The following FGFRL1 variants were observed in gnomAD, a reference collection of about 807,000 sequenced individuals.
FGFRL1 encodes fibroblast growth factor receptor like 1, also known as fibroblast growth factor receptor-like 1.
FGFRL1 carries 24 observed loss-of-function variants against 36.8 expected under a neutral mutation model. That is an observed-to-expected ratio of 0.65 (90% confidence interval 0.47 to 0.92). The LOEUF (loss-of-function observed/expected upper bound fraction) is 0.92. FGFRL1 is among the 40% of genes least tolerant of loss of function. FGFRL1 has a pLI of 0.00. For synonymous variants in FGFRL1, 422 were observed against 344.1 expected, an observed-to-expected ratio of 1.23 and a Z score of -2.50; for missense variants, 785 against 753.4, an observed-to-expected ratio of 1.04 and a Z score of -0.49.
chr4:1,023,972 G>T lies in FGFRL1; in HGVS notation c.589G>T (p.Ala197Ser), dbSNP rs768990087. 49 of 1,599,642 alleles carry T rather than the reference G, an allele frequency of 3.1e-5. No individual in the cohort carries two copies. Among genetic ancestry groups the T allele is most frequent in the South Asian group, 6.7e-5 (6 of 89,212 alleles). The change falls in exon 5 of 7, where the codon GCT (alanine) becomes TCT (serine). Residue 197 changes from alanine to serine, a missense_variant. By Grantham distance (99) the Ala-to-Ser change is moderately conservative. Transcript: ENST00000510644. The surrounding 1 kb of genome is among the most constrained non-coding windows in gnomAD (Gnocchi z 6.0). ...CCAGGCCTTGACGCGCCCAGAGGCC[G>T]CTGAGCCCAGGAAGAAGAAGTGGAC... ...DDQALTRPEA[A>S]EPRKKKWTLS...
At chr4:1,021,778 T>TG (rs761801904) in intron 2 of FGFRL1, among the ~76,000 whole-genome samples, 1 of 152,110 alleles carries the variant, frequency 6.6e-6, no homozygotes, top group Non-Finnish European at 1.5e-5. Flanking sequence ...CCCTTGTCCT[T>TG]GGGGGGCCAC....
intron 2 of FGFRL1, among the ~76,000 whole-genome samples, chr4:1,014,548 G>A (rs1253255903): frequency 2.0e-5 from 3 of 152,238 alleles, no homozygotes; most frequent in Non-Finnish European, 4.4e-5. Context: ...CAGGTGGGCA[G>A]GGTGCCTGTC....
intron 2 of FGFRL1, among the ~76,000 whole-genome samples, chr4:1,013,447 C>T (rs79574529): frequency 0.12 from 17,801 of 152,312 alleles, 1,216 homozygotes; most frequent in South Asian, 0.21. Context: ...CCAGCAAGCG[C>T]GCCGCATCCA....
At chr4:1,011,583 G>A (rs1182983880), upstream of FGFRL1, among the ~76,000 whole-genome samples, 1 of 33,016 alleles carries the variant, frequency 3.0e-5, no homozygotes, top group Non-Finnish European at 5.8e-5. Flanking sequence ...CGGAAGTTGT[G>A]CCGGGGGCGG....
At position 1,025,248 on chromosome 4, in the gene FGFRL1, C is replaced by A; in HGVS notation, c.1416C>A (p.Pro472=). ...CAGTTGCTGGCCCTAAGTTGTACCC[C>A]AAACTCTACACAGACATCCACACAC... ...PGPVAGPKLY[P]KLYTDIHTHT... Residue 472 remains proline, a synonymous_variant, in exon 7 of 7, where the codon CCC becomes CCA. Coordinates refer to ENST00000510644, the MANE Select transcript of FGFRL1 (RefSeq NM_001004356.3). 1 of 1,607,638 alleles carries A rather than the reference C, an allele frequency of 6.2e-7. No individual in the cohort carries two copies. The highest frequency in any genetic ancestry group is 8.5e-7 in the Non-Finnish European group (1 of 1,177,532).
chr4:1,015,246 C>T (rs536124281), intron 2 of FGFRL1, among the ~76,000 whole-genome samples: 1 of 152,318 alleles, frequency 6.6e-6, no homozygotes, highest in African/African-American at 2.4e-5. Context: ...CCTGGTGTGT[C>T]CAGGTGACAG....
intron 3 of FGFRL1, among the ~76,000 whole-genome samples, chr4:1,022,857 C>G (rs73070422): frequency 0.12 from 18,785 of 152,004 alleles, 1,266 homozygotes; most frequent in Middle Eastern, 0.21. Flanking sequence ...CGTGGCCTTT[C>G]TGTTCTCTTC....
chr4:1,017,295 C>G (rs1479302278), intron 2 of FGFRL1, among the ~76,000 whole-genome samples: 1 of 152,174 alleles, frequency 6.6e-6, no homozygotes, highest in South Asian at 2.1e-4. Flanking sequence ...GCTGCCAGGA[C>G]GCTCTTGGTC....
chr4:1,020,454 A>G (rs551457670), intron 2 of FGFRL1, among the ~76,000 whole-genome samples: 1 of 151,956 alleles, frequency 6.6e-6, no homozygotes, highest in East Asian at 2.0e-4. Context: ...AGCTCCATCC[A>G]GGTACAGGCC....
In FGFRL1 at chr4:1,024,648, C is replaced by G; in HGVS notation, c.1056C>G (p.Phe352Leu). Residue 352 changes from phenylalanine to leucine, a missense_variant, in exon 6 of 7, where the codon TTC becomes TTG. Coordinates refer to ENST00000510644, the MANE Select transcript of FGFRL1 (RefSeq NM_001004356.3). Reference protein sequence around the residue: ...NTMGYSFRSAFLTVLPDPKPP... With the variant: ...NTMGYSFRSALLTVLPDPKPP... ...TGGGCTACAGCTTCCGCAGCGCCTT[C>G]CTCACCGTGCTGCCAGGTGCGCGGC... 1.2e-6 allele frequency: 2 copies of G among 1,603,318 alleles called. No homozygotes were observed. Among genetic ancestry groups the G allele is most frequent in the South Asian group, 2.2e-5 (2 of 90,888 alleles).
At chr4:1,020,640 A>AAGGGG (rs1716121659) in intron 2 of FGFRL1, among the ~76,000 whole-genome samples, 6 of 97,028 alleles carry the variant, frequency 6.2e-5, no homozygotes, top group East Asian at 3.3e-4. Flanking sequence ...GAGGCAGGGG[A>AAGGGG]TGGGGTGGGG....
In FGFRL1 at chr4:1,025,538, A is replaced by G. The variant is rs534686121; in HGVS notation, c.*191A>G. Reference sequence around the variant, plus strand: ...ACACACACACTGCCTGGATGCATGTATGCACACACATGCGCGCACACGTGC... The same window carrying G: ...ACACACACACTGCCTGGATGCATGTGTGCACACACATGCGCGCACACGTGC... On this transcript the variant is annotated 3_prime_UTR_variant, in exon 7 of 7. Coordinates refer to ENST00000510644, the MANE Select transcript of FGFRL1 (RefSeq NM_001004356.3). 344 of 685,638 alleles carry G rather than the reference A, an allele frequency of 5.0e-4. No homozygotes were observed. Among genetic ancestry groups the G allele is most frequent in the Non-Finnish European group, 2.3e-4 (97 of 413,288 alleles). The allele number at this position is 685,638 out of a possible 1,614,324, so 42.5% of individuals were successfully genotyped here.
Position 1,024,606 on chromosome 4 carries a change from C to T in FGFRL1, c.1014C>T (p.Cys338=). 6.2e-7 allele frequency: 1 copy of T among 1,611,922 alleles called. No individual in the cohort carries two copies. The highest frequency in any genetic ancestry group is 1.1e-5 in the South Asian group (1 of 91,074). Residue 338 remains cysteine (C), a synonymous_variant, in exon 6 of 7, where the codon TGC becomes TGT. Transcript: ENST00000510644. ...ARQDDAGMYI[C]LGANTMGYSF... ...AGGACGATGCGGGCATGTACATCTG[C>T]CTTGGCGCCAACACCATGGGCTACA...
At position 1,023,865 on chromosome 4, in the gene FGFRL1, C is replaced by T; in HGVS notation, c.482C>T (p.Ala161Val). ...TCCAAGATGAGGCGCCGGGTGATCG[C>T]ACGGCCCGTGGGTAGCTCCGTGCGG... The part of the protein sequence containing the change: ...QPSKMRRRVI[A>V]RPVGSSVRLK... Residue 161 changes from alanine (A) to valine (V), a missense_variant, in exon 5 of 7, where the codon GCA (alanine) becomes GTA (valine). Coordinates refer to ENST00000510644, the MANE Select transcript of FGFRL1 (RefSeq NM_001004356.3). This position sits in a 1 kb window ranked among gnomAD's most constrained non-coding sequence, Gnocchi z 6.0. The T allele has an allele frequency of 6.3e-7, 1 of 1,577,000 alleles. No homozygotes were observed. The highest frequency in any genetic ancestry group is 8.6e-7 in the Non-Finnish European group (1 of 1,163,898).
At chr4:1,015,153 T>C (rs1032837593) in intron 2 of FGFRL1, among the ~76,000 whole-genome samples, 1 of 152,322 alleles carries the variant, frequency 6.6e-6, no homozygotes, top group South Asian at 2.1e-4. Flanking sequence ...TGCTGCATGC[T>C]GGCCCTCTGT....
Position 1,023,872 on chromosome 4 carries a change from C to G in FGFRL1, c.489C>G (p.Pro163=), listed in dbSNP as rs113814624. ...TGAGGCGCCGGGTGATCGCACGGCC[C>G]GTGGGTAGCTCCGTGCGGCTCAAGT... The part of the protein sequence containing the change: ...SKMRRRVIAR[P]VGSSVRLKCV... Residue 163 remains proline (P), a synonymous_variant, in exon 5 of 7, where the codon CCC becomes CCG. Transcript: ENST00000510644. The surrounding 1 kb of genome is among the most constrained non-coding windows in gnomAD (Gnocchi z 6.0). 1 of 1,580,728 alleles carries G rather than the reference C, an allele frequency of 6.3e-7. No individual in the cohort carries two copies. The highest frequency in any genetic ancestry group is 1.1e-5 in the South Asian group (1 of 87,714).
At position 1,024,081 on chromosome 4, in the gene FGFRL1, C is replaced by T; in HGVS notation, c.698C>T (p.Thr233Ile). The T allele has an allele frequency of 6.3e-7, 1 of 1,594,638 alleles. No homozygotes were observed. The change falls in exon 5 of 7, where the codon ACC becomes ATC. Residue 233 changes from threonine to isoleucine, a missense_variant. Thr to Ile is a moderately conservative substitution (Grantham distance 89, BLOSUM62 -1). Coordinates refer to ENST00000510644, the MANE Select transcript of FGFRL1 (RefSeq NM_001004356.3). ...AACCGCGCGGGCGCCATCAACGCCACCTACAAGGTGGATGTGATCCGTGAG... is the reference window on the plus strand; with the variant it reads ...AACCGCGCGGGCGCCATCAACGCCATCTACAAGGTGGATGTGATCCGTGAG... ...VSNRAGAINA[T>I]YKVDVIQRTR... is the part of the protein sequence containing the mutation.
intron 2 of FGFRL1, among the ~76,000 whole-genome samples, chr4:1,014,116 C>T (rs1560557785): frequency 6.6e-6 from 1 of 152,218 alleles, no homozygotes; most frequent in Non-Finnish European, 1.5e-5. Flanking sequence ...TTCGTTAGGC[C>T]AAGGACCAGC....
chr4:1,022,964 C>T (rs1241001561), intron 3 of FGFRL1, among the ~76,000 whole-genome samples: 2 of 152,076 alleles, frequency 1.3e-5, no homozygotes, highest in Non-Finnish European at 2.9e-5. Context: ...CGCTGGGCTC[C>T]TGGGTGTGGG....
Sources: allele counts gnomAD v4.1 joint callset (sites outside exome capture counted in the v4.1 genomes callset), GRCh38; gene constraint gnomAD v4.1.1; non-coding constraint Gnocchi (gnomAD v3.1); transcripts MANE v1.5; gene names NCBI Gene and HGNC (gene_info 2026-07-23, HGNC 2026-07-21).